Variants in AK5 observed in about 807,000 individuals in gnomAD.
AK5 encodes adenylate kinase 5, also known as adenylate kinase isoenzyme 5.
In AK5, 27 loss-of-function variants were observed where a neutral mutation model predicts 69.5. The ratio of observed to expected loss-of-function variants is 0.39; its 90% confidence interval spans 0.29 to 0.54. AK5 has a LOEUF of 0.54. Ranked by LOEUF, AK5 falls within the 20% of genes least tolerant of loss-of-function variation. The pLI, the probability that AK5 is intolerant of heterozygous loss-of-function variation, is 0.71. For synonymous variants in AK5, 260 were observed against 244.4 expected, an observed-to-expected ratio of 1.06 and a Z score of -0.60; for missense variants, 531 against 700.4, an observed-to-expected ratio of 0.76 and a Z score of 2.73.
At chr1:77,380,745 G>T (rs763604042) in intron 6 of AK5, among the ~76,000 whole-genome samples, 2 of 152,144 alleles carry the variant, frequency 1.3e-5, no homozygotes, top group African/African-American at 4.8e-5. Flanking sequence ...GATGTGTGCC[G>T]CAGAGACAAG....
intron 13 of AK5, among the ~76,000 whole-genome samples, chr1:77,547,995 G>A (rs772627031): frequency 1.3e-5 from 2 of 152,182 alleles, no homozygotes; most frequent in African/African-American, 2.4e-5. Flanking sequence ...ACAGGAAAAT[G>A]ATTGAGCAGG....
At chr1:77,367,576 TATAA>T (rs1646982612) in intron 6 of AK5, among the ~76,000 whole-genome samples, 1 of 11,236 alleles carries the variant, frequency 8.9e-5, no homozygotes, top group Non-Finnish European at 2.5e-4. Flanking sequence ...TATATATATA[TATAA>T]TATATATGTT....
chr1:77,523,325 G>T (rs1250061971), intron 12 of AK5, among the ~76,000 whole-genome samples: 1 of 152,192 alleles, frequency 6.6e-6, no homozygotes, highest in African/African-American at 2.4e-5. Context: ...TGGGCAGGGA[G>T]AAGTGGATTT....
chr1:77,517,611 T>TATG (rs1414761812), intron 10 of AK5, among the ~76,000 whole-genome samples: 1 of 152,184 alleles, frequency 6.6e-6, no homozygotes, highest in Non-Finnish European at 1.5e-5. Context: ...AAAGGTCAGC[T>TATG]ATTATTATTA....
Position 77,447,556 on chromosome 1 carries a change from A to T in AK5, c.1059+29841A>T, listed in dbSNP as rs535064166. Among the ~76,000 whole-genome samples, 275 of 133,706 alleles carry T rather than the reference A, an allele frequency of 2.1e-3. 1 individual carries two copies. In the South Asian group the frequency reaches 0.027, roughly 13 times the overall value. The allele number at this position is 133,706 out of a possible 152,430, so 87.7% of individuals were successfully genotyped here. A position where few individuals can be genotyped will look rare whatever the true frequency, so the allele number is the denominator to read the frequency against. ...TGATCAGTAGAGACTGTTTTCTTTT[A>T]AAAAAAACCCTGTTATTCTTGTCAG... On this transcript the variant is annotated intron_variant, in intron 8 of 13. Transcript: ENST00000354567.
intron 6 of AK5, among the ~76,000 whole-genome samples, chr1:77,352,923 G>A (rs147818124): frequency 7.0e-4 from 106 of 152,266 alleles, no homozygotes; most frequent in African/African-American, 2.4e-3. Context: ...ACAAGAAGTA[G>A]CACAAGTTTG....
At position 77,502,803 on chromosome 1, in the gene AK5, G is replaced by A. The variant is rs116981695; in HGVS notation, c.1148-15761G>A. On this transcript the variant is annotated intron_variant, in intron 10 of 13. Transcript: ENST00000354567. ...GTGAGAACATAGCAAGTAGGCAGAA[G>A]CTGCACCCCTGCTTTTGAAGTCCTT... Among the ~76,000 whole-genome samples, 5 of 152,282 alleles carry A rather than the reference G, an allele frequency of 3.3e-5. No homozygotes were observed. The East Asian group carries it at 9.6e-4, about 29-fold the overall frequency.
chr1:77,369,921 G>A (rs377631255), intron 6 of AK5, among the ~76,000 whole-genome samples: 19 of 152,136 alleles, frequency 1.2e-4, no homozygotes, highest in African/African-American at 3.9e-4. Context: ...CTTTAATGCC[G>A]CTGCCAATAA....
chr1:77,364,132 A>G (rs1646911674), intron 6 of AK5, among the ~76,000 whole-genome samples: 1 of 152,218 alleles, frequency 6.6e-6, no homozygotes, highest in Non-Finnish European at 1.5e-5. Context: ...GTACATTCAA[A>G]CAATGATATG....
In AK5 at chr1:77,535,786, C is replaced by G. The variant is rs1052510075; in HGVS notation, c.1429-61C>G. 4 of 1,510,752 alleles carry G rather than the reference C, an allele frequency of 2.6e-6. No individual in the cohort carries two copies. The African/African-American group carries it at 5.6e-5, about 21-fold the overall frequency. 93.6% of individuals were successfully genotyped at this position (1,510,752 alleles called of 1,614,324 possible). ...AAAGGAAAAACCAGAGGCCCTGGGC[C>G]TTTCCAGAACATCAGCAGGGTGAGG... On this transcript the variant is annotated intron_variant, in intron 12 of 13. Coordinates refer to ENST00000354567, the MANE Select transcript of AK5 (RefSeq NM_174858.3).
At chr1:77,336,821 G>T (rs1661388253) in intron 5 of AK5, among the ~76,000 whole-genome samples, 1 of 151,996 alleles carries the variant, frequency 6.6e-6, no homozygotes, top group African/African-American at 2.4e-5. Context: ...ATGTTTGAAG[G>T]ATATTTTTGC....
chr1:77,548,015 G>C (rs1164493577), intron 13 of AK5, among the ~76,000 whole-genome samples: 16 of 152,176 alleles, frequency 1.1e-4, no homozygotes. Flanking sequence ...GTGTTTTAGA[G>C]AGGTCATTTT....
intron 8 of AK5, among the ~76,000 whole-genome samples, chr1:77,473,419 C>T (rs1654642316): frequency 6.6e-6 from 1 of 151,872 alleles, no homozygotes; most frequent in Non-Finnish European, 1.5e-5. Flanking sequence ...ATCTAACCTC[C>T]TACACGGTCT....
intron 10 of AK5, among the ~76,000 whole-genome samples, chr1:77,501,884 C>T (rs1242730398): frequency 1.3e-5 from 2 of 152,194 alleles, no homozygotes; most frequent in Non-Finnish European, 2.9e-5. Context: ...AAATCAGAGA[C>T]TGTGCCTATT....
chr1:77,337,096 C>G (rs1431618014), intron 5 of AK5, among the ~76,000 whole-genome samples: 2 of 152,040 alleles, frequency 1.3e-5, no homozygotes, highest in South Asian at 2.1e-4. Flanking sequence ...CCTAAAACTG[C>G]TTGGAAAAAG....
chr1:77,415,719 C>T (rs1269052145), intron 7 of AK5, among the ~76,000 whole-genome samples: 1 of 152,186 alleles, frequency 6.6e-6, no homozygotes, highest in African/African-American at 2.4e-5. Context: ...CAGCATGCTC[C>T]TCCAGGTCCT....
chr1:77,505,634 A>C (rs1656980509), intron 10 of AK5, among the ~76,000 whole-genome samples: 1 of 152,128 alleles, frequency 6.6e-6, no homozygotes, highest in Non-Finnish European at 1.5e-5. Context: ...TGAGAGACCG[A>C]GGCAAGTGGA....
chr1:77,326,920 A>T (rs1387190983), intron 5 of AK5, among the ~76,000 whole-genome samples: 1 of 152,196 alleles, frequency 6.6e-6, no homozygotes, highest in Non-Finnish European at 1.5e-5. Context: ...ATCTTTAAGG[A>T]TTCTTCTCAA....
At chr1:77,347,092 T>C (rs1661955593) in intron 6 of AK5, among the ~76,000 whole-genome samples, 1 of 151,998 alleles carries the variant, frequency 6.6e-6, no homozygotes. Flanking sequence ...ACTAAGAAAA[T>C]AGTCGAGGAA....
Sources: allele counts gnomAD v4.1 joint callset (sites outside exome capture counted in the v4.1 genomes callset), GRCh38; gene constraint gnomAD v4.1.1; transcripts MANE v1.5; gene names NCBI Gene and HGNC (gene_info 2026-07-23, HGNC 2026-07-21).